ALLC: variants seen among roughly 807,000 people sequenced by gnomAD.
The protein encoded by ALLC is allantoicase.
ALLC carries 40 observed loss-of-function variants against 45.0 expected under a neutral mutation model. The observed-to-expected ratio is 0.89, with a 90% CI of 0.69 to 1.16. ALLC has a LOEUF of 1.16. Among genes scored for constraint, ALLC ranks in the 50% most tolerant of loss-of-function variants. The pLI is 0.00. For synonymous variants in ALLC, 176 were observed against 178.1 expected (o/e 0.99, Z 0.09); for missense variants, 488 against 493.1 (o/e 0.99, Z 0.10).
chr2:3,663,535 C>T lies in ALLC; in HGVS notation c.-63+5241C>T, dbSNP rs567544790. Among the ~76,000 whole-genome samples, 37 of 151,720 alleles carry T rather than the reference C, an allele frequency of 2.4e-4. 1 individual carries two copies. In the South Asian group the frequency reaches 5.6e-3, roughly 23 times the overall value. Reference sequence around the variant, plus strand: ...AACCACCATGGCACACGTTTACCTACGGAACAAACCTGCACATCCTGCACA... The same window carrying T: ...AACCACCATGGCACACGTTTACCTATGGAACAAACCTGCACATCCTGCACA... On this transcript the variant is annotated intron_variant, in intron 1 of 11. Transcript: ENST00000252505.
chr2:3,650,701 A>G, the ALLC span, among the ~76,000 whole-genome samples: 1,031 of 152,214 alleles, frequency 6.8e-3, 9 homozygotes, highest in African/African-American at 0.023. Flanking sequence ...GAGCTTGGGT[A>G]CAAACACCTC....
intron 9 of ALLC, 111 bp downstream of exon 9, chr2:3,696,459 T>G (rs1408569850): frequency 1.6e-5 from 12 of 770,960 alleles, no homozygotes; most frequent in Non-Finnish European, 2.4e-5. Context: ...TGCATTGTTC[T>G]AAATGCTAAT....
the ALLC span, among the ~76,000 whole-genome samples, chr2:3,650,548 G>A: frequency 5.1e-5 from 3 of 59,058 alleles, no homozygotes; most frequent in African/African-American, 1.7e-4. Flanking sequence ...GAAGCCCCTC[G>A]GCCCGGTGAA....
chr2:3,660,969 A>G (rs1396815325), intron 1 of ALLC, among the ~76,000 whole-genome samples: 1 of 152,220 alleles, frequency 6.6e-6, no homozygotes, highest in African/African-American at 2.4e-5. Flanking sequence ...GAACATACTG[A>G]CATACTGATT....
intron 3 of ALLC, among the ~76,000 whole-genome samples, chr2:3,675,805 T>C (rs919949128): frequency 1.3e-5 from 2 of 152,222 alleles, no homozygotes; most frequent in African/African-American, 4.8e-5. Flanking sequence ...GAAAATACTT[T>C]AGGCTGTTGG....
chr2:3,649,830 A>T, the ALLC span, among the ~76,000 whole-genome samples: 1 of 152,238 alleles, frequency 6.6e-6, no homozygotes. Context: ...GAGACAACCC[A>T]CGCAGACATG....
At chr2:3,687,119 C>T (rs548060135) in intron 7 of ALLC, among the ~76,000 whole-genome samples, 26 of 150,470 alleles carry the variant, frequency 1.7e-4, no homozygotes, top group African/African-American at 6.3e-4. Context: ...TTTCTATACC[C>T]AATTTATTGA....
intron 7 of ALLC, among the ~76,000 whole-genome samples, chr2:3,685,386 A>T (rs1667308366): frequency 6.6e-6 from 1 of 150,896 alleles, no homozygotes; most frequent in African/African-American, 2.4e-5. Context: ...TCATGGCAGA[A>T]AGAGAAGGCG....
chr2:3,674,670 C>T lies in ALLC; in HGVS notation c.84+545C>T, dbSNP rs146501159. Reference sequence around the variant, plus strand: ...CATGACTGGCCTCCATTGTGGGCAGCGGCCATCTGGTTACCCTGGTGAAAT... The same window carrying T: ...CATGACTGGCCTCCATTGTGGGCAGTGGCCATCTGGTTACCCTGGTGAAAT... On this transcript the variant is annotated intron_variant, in intron 3 of 11. Coordinates refer to ENST00000252505, the MANE Select transcript of ALLC (RefSeq NM_018436.4). 6.8e-4 allele frequency among the ~76,000 whole-genome samples: 103 copies of T among 152,258 alleles called. 1 individual carries two copies. The highest frequency in any genetic ancestry group is 2.3e-3 in the African/African-American group (97 of 41,556).
At chr2:3,649,268 G>A in the ALLC span, among the ~76,000 whole-genome samples, 1 of 148,708 alleles carries the variant, frequency 6.7e-6, no homozygotes. Context: ...TTGAGACGGA[G>A]TCTCGCTCTA....
At chr2:3,665,851 A>G (rs376861359) in intron 1 of ALLC, among the ~76,000 whole-genome samples, 1 of 152,318 alleles carries the variant, frequency 6.6e-6, no homozygotes, top group African/African-American at 2.4e-5. Flanking sequence ...GCTGGGTCAA[A>G]TTGAAGTGTT....
intron 4 of ALLC, 67 bp from the exon 5 acceptor site, chr2:3,679,802 C>G: frequency 6.3e-7 from 1 of 1,598,224 alleles, no homozygotes; most frequent in Non-Finnish European, 8.6e-7. Flanking sequence ...GTGGGGTGCA[C>G]TGCCTCGCAT....
chr2:3,694,405 A>C (rs901819497), intron 7 of ALLC, among the ~76,000 whole-genome samples: 8 of 152,220 alleles, frequency 5.3e-5, no homozygotes, highest in Non-Finnish European at 1.2e-4. Flanking sequence ...ACAGGGACAC[A>C]CTGGGTGGGA....
intron 7 of ALLC, 104 bp downstream of exon 7, chr2:3,683,178 T>C (rs1412273097): frequency 7.8e-7 from 1 of 1,286,742 alleles, no homozygotes; most frequent in Non-Finnish European, 1.1e-6. Flanking sequence ...TGGTAATTGA[T>C]CTCTCTAGCA....
intron 7 of ALLC, among the ~76,000 whole-genome samples, chr2:3,690,635 T>C (rs1667490662): frequency 6.6e-6 from 1 of 151,526 alleles, no homozygotes; most frequent in Non-Finnish European, 1.5e-5. Context: ...CAACTCATCT[T>C]AGATCACAAA....
At chr2:3,700,027 C>T (rs561335921) in intron 10 of ALLC, among the ~76,000 whole-genome samples, 45 of 151,930 alleles carry the variant, frequency 3.0e-4, no homozygotes, top group African/African-American at 1.1e-3. Context: ...ATTTTTTTTG[C>T]TTTTGTTGCA....
intron 3 of ALLC, among the ~76,000 whole-genome samples, chr2:3,678,011 A>G (rs1282746905): frequency 1.3e-5 from 2 of 152,298 alleles, no homozygotes; most frequent in East Asian, 1.9e-4. Flanking sequence ...GCATTTCCTC[A>G]GGGGGTTGCA....
At chr2:3,686,760 T>C (rs1045568907) in intron 7 of ALLC, among the ~76,000 whole-genome samples, 1 of 151,166 alleles carries the variant, frequency 6.6e-6, no homozygotes. Flanking sequence ...TTGGTGTGTA[T>C]AAATGCTACT....
the ALLC span, among the ~76,000 whole-genome samples, chr2:3,651,439 GTGTTAGGA>G: frequency 1.4e-4 from 9 of 63,624 alleles, 1 homozygote; most frequent in Admixed American, 4.4e-4. Context: ...GTGTGTGTGT[GTGTTAGGA>G]AGGGAGACGA....
Sources: allele counts gnomAD v4.1 joint callset (sites outside exome capture counted in the v4.1 genomes callset), GRCh38; gene constraint gnomAD v4.1.1; transcripts MANE v1.5; gene names NCBI Gene and HGNC (gene_info 2026-07-23, HGNC 2026-07-21).